Variants in TSBP1 observed in about 807,000 individuals in gnomAD.
TSBP1 encodes the protein testis-expressed basic protein 1.
TSBP1 carries 56 observed loss-of-function variants against 68.8 expected under a neutral mutation model. The observed-to-expected ratio is 0.81, with a 90% CI of 0.66 to 1.02. The LOEUF (loss-of-function observed/expected upper bound fraction) is 1.02. Ranked by LOEUF, TSBP1 falls within the 50% of genes least tolerant of loss-of-function variation. The pLI, the probability that TSBP1 is intolerant of heterozygous loss-of-function variation, is 0.00. For missense variants in TSBP1, 502 were observed against 641.2 expected, an observed-to-expected ratio of 0.78 and a Z score of 2.34; for synonymous variants, 171 against 208.7, an observed-to-expected ratio of 0.82 and a Z score of 1.56.
intron 20 of TSBP1, 106 bp from the exon 24 acceptor site, chr6:32,300,806 T>A: frequency 3.3e-6 from 3 of 911,068 alleles, no homozygotes; most frequent in Non-Finnish European, 5.4e-6. Flanking sequence ...CAACTAAATT[T>A]CATTTATTTA....
chr6:32,300,330 A>T (rs954056122), intron 21 of TSBP1, among the ~76,000 whole-genome samples: 1 of 152,222 alleles, frequency 6.6e-6, no homozygotes. Flanking sequence ...TCTAGTCCTG[A>T]CACATATTCT....
rs9279571 is a variant in TSBP1 at position 32,308,957 on chromosome 6, C to CTT, written c.581-6330_581-6329dup. On this transcript the variant is annotated intron_variant, in intron 19 of 22. Coordinates refer to ENST00000612031, the Ensembl canonical transcript of TSBP1. The stretch of plus-strand genomic sequence containing the variant: ...TCTCCTTCTCCTTCTTTTCTTCCTG[C>CTT]TTTTTTTTTTTTTTTTTTGACAGGG... 1.2e-3 allele frequency among the ~76,000 whole-genome samples: 142 copies of CTT among 122,054 alleles called. 2 individuals are homozygous for CTT. Among genetic ancestry groups the CTT allele is most frequent in the Non-Finnish European group, 1.6e-3 (94 of 60,382 alleles). 80.1% of individuals were successfully genotyped at this position (122,054 alleles called of 152,430 possible).
rs1361377889 is a variant in TSBP1, at chr6:32,343,251, A to C, written c.350-3613T>G. ...AGATAAACTTACTCATGGATCCTTG[A>C]GGTAAAGCTAAAGAACAATAACAAT... On this transcript the variant is annotated intron_variant, in intron 9 of 22. Transcript: ENST00000612031. This position sits in a 1 kb window ranked among gnomAD's most constrained non-coding sequence, Gnocchi z 4.3. The C allele has an allele frequency of 1.4e-6, 2 of 1,410,122 alleles. No individual in the cohort carries two copies. Among genetic ancestry groups the C allele is most frequent in the South Asian group, 3.4e-5 (2 of 59,666 alleles). The allele number at this position is 1,410,122 out of a possible 1,614,324, so 87.4% of individuals were successfully genotyped here.
In TSBP1 at chr6:32,343,306, C is replaced by A; in HGVS notation, c.350-3668G>T. 1 of 1,209,538 alleles carries A rather than the reference C, an allele frequency of 8.3e-7. No individual in the cohort carries two copies. Among genetic ancestry groups the A allele is most frequent in the South Asian group, 2.1e-5 (1 of 46,616 alleles). 74.9% of individuals were successfully genotyped at this position (1,209,538 alleles called of 1,614,324 possible). On this transcript the variant is annotated intron_variant, in intron 9 of 22. Coordinates refer to ENST00000612031, the Ensembl canonical transcript of TSBP1. This position sits in a 1 kb window ranked among gnomAD's most constrained non-coding sequence, Gnocchi z 4.3. ...CAAGTCAGTCTAAAGTTTCAATAAT[C>A]CATCAATTTCCCAAAAGTCTTCCCA...
At position 32,314,395 on chromosome 6, in the gene TSBP1, A is replaced by T. The variant is rs1186374582; in HGVS notation, c.580+1377T>A. ...CTGCCTTGTAATTTCTAGCTGTGAG[A>T]CCAATAATCCCTTCTCCTGAACTTT... is the stretch of plus-strand genomic sequence containing the variant. On this transcript the variant is annotated intron_variant, in intron 19 of 22. Coordinates refer to ENST00000612031, the Ensembl canonical transcript of TSBP1. This position sits in a 1 kb window ranked among gnomAD's most constrained non-coding sequence, Gnocchi z 4.2. Among the ~76,000 whole-genome samples, 1 of 152,150 alleles carries T rather than the reference A, an allele frequency of 6.6e-6. No homozygotes were observed. Among genetic ancestry groups the T allele is most frequent in the Non-Finnish European group, 1.5e-5 (1 of 68,052 alleles).
rs1210113960 is a variant in TSBP1, at chr6:32,303,175, C to A, written c.581-546G>T. Among the ~76,000 whole-genome samples, 5 of 152,244 alleles carry A rather than the reference C, an allele frequency of 3.3e-5. No homozygotes were observed. In the Middle Eastern group the frequency reaches 0.01, roughly 313 times the overall value. On this transcript the variant is annotated intron_variant, in intron 19 of 22. Transcript: ENST00000612031. ...TGTTGTCTTCTCTGATTGAAATATT[C>A]CCCCCTCAGATATTGCCTGGCTAAT...
At chr6:32,310,801 C>G (rs1766324346) in intron 19 of TSBP1, among the ~76,000 whole-genome samples, 1 of 147,758 alleles carries the variant, frequency 6.8e-6, no homozygotes, top group African/African-American at 2.5e-5. Flanking sequence ...TCTTTTATTC[C>G]CCAATAGGTA....
At chr6:32,358,628 T>C (rs1325395180) in intron 6 of TSBP1, among the ~76,000 whole-genome samples, 2 of 151,988 alleles carry the variant, frequency 1.3e-5, no homozygotes, top group Non-Finnish European at 2.9e-5. Context: ...AGTGTTCTCA[T>C]TGTTCAATTC....
At chr6:32,308,442 C>G (rs1765999033) in intron 19 of TSBP1, among the ~76,000 whole-genome samples, 1 of 150,406 alleles carries the variant, frequency 6.6e-6, no homozygotes, top group Admixed American at 6.6e-5. Context: ...ACTAAAAATA[C>G]AAAAAATTAG....
chr6:32,344,193 TG>T (rs1465355065), intron 9 of TSBP1, among the ~76,000 whole-genome samples: 1 of 151,190 alleles, frequency 6.6e-6, no homozygotes, highest in Non-Finnish European at 1.5e-5. Context: ...GCCATGCTGG[TG>T]TGCTGCATCC....
chr6:32,346,304 C>T lies in TSBP1; in HGVS notation c.349+3436G>A. 2.1e-4 allele frequency among the ~76,000 whole-genome samples: 2 copies of T among 9,508 alleles called. 1 individual carries two copies. The highest frequency in any genetic ancestry group is 0.019 in the South Asian group (2 of 104). The allele number at this position is 9,508 out of a possible 152,430, so 6.2% of individuals were successfully genotyped here. ...TGCTGGGATTACAGGCGTGAGCCAC[C>T]GCGCCCGGCCGTCATATCCTCATTT... On this transcript the variant is annotated intron_variant, in intron 9 of 22. Coordinates refer to ENST00000612031, the Ensembl canonical transcript of TSBP1.
intron 16 of TSBP1, chr6:32,323,846 C>G: frequency 1.8e-6 from 1 of 556,990 alleles, no homozygotes; most frequent in Non-Finnish European, 3.2e-6. Context: ...GCACCCCAAG[C>G]CTGGAAATCT....
Position 32,306,368 on chromosome 6 carries a change from A to G in TSBP1, c.581-3739T>C, listed in dbSNP as rs1765781991. ...CATCTCTTGATTCTAACTCCTGCGC[A>G]TAATTTCCCCATATCCCCCCTCCCA... On this transcript the variant is annotated intron_variant, in intron 19 of 22. Coordinates refer to ENST00000612031, the Ensembl canonical transcript of TSBP1. This position sits in a 1 kb window ranked among gnomAD's most constrained non-coding sequence, Gnocchi z 5.1. Among the ~76,000 whole-genome samples, 1 of 152,098 alleles carries G rather than the reference A, an allele frequency of 6.6e-6. No homozygotes were observed. Among genetic ancestry groups the G allele is most frequent in the Non-Finnish European group, 1.5e-5 (1 of 68,024 alleles).
chr6:32,371,825 G>A (rs1302270359), exon 1 of TSBP1: 3 of 1,166,848 alleles, frequency 2.6e-6, no homozygotes, highest in African/African-American at 1.5e-5. Flanking sequence ...TTGGGTGTCA[G>A]GGAGGCCCTT....
rs1446541625 is a variant in TSBP1, at chr6:32,325,381, G to A, written c.515-1767C>T. 1.0e-6 allele frequency: 1 copy of A among 963,494 alleles called. No homozygotes were observed. Among genetic ancestry groups the A allele is most frequent in the African/African-American group, 1.6e-5 (1 of 61,748 alleles). The allele number at this position is 963,494 out of a possible 1,614,324, so 59.7% of individuals were successfully genotyped here. A position where few individuals can be genotyped will look rare whatever the true frequency, so the allele number is the denominator to read the frequency against. ...GAGAGATCCAAACCCAAGCACTCCAGGGGCTTTGGATTTTTCACATATGCC... is the reference window on the plus strand; with the variant it reads ...GAGAGATCCAAACCCAAGCACTCCAAGGGCTTTGGATTTTTCACATATGCC... On this transcript the variant is annotated intron_variant, in intron 16 of 22. Transcript: ENST00000612031. The surrounding 1 kb of genome is among the most constrained non-coding windows in gnomAD (Gnocchi z 4.4).
rs477005 is a variant in TSBP1 at position 32,302,723 on chromosome 6, A to G, written c.581-94T>C. 321,768 of 842,186 alleles carry G rather than the reference A, an allele frequency of 0.38. 65,113 individuals are homozygous for G. Among genetic ancestry groups the G allele is most frequent in the Admixed American group, 0.49 (18,885 of 38,814 alleles). 52.2% of individuals were successfully genotyped at this position (842,186 alleles called of 1,614,324 possible). A position where few individuals can be genotyped will look rare whatever the true frequency, so the allele number is the denominator to read the frequency against. On this transcript the variant is annotated intron_variant, in intron 19 of 22. Coordinates refer to ENST00000612031, the Ensembl canonical transcript of TSBP1. The surrounding 1 kb of genome is among the most constrained non-coding windows in gnomAD (Gnocchi z 5.1). ...TCCCAATTCCCTAGTTGTTTTTTCT[A>G]GGGTACCATAAAGACTTCTAGCAGA...
At chr6:32,345,481 G>T (rs1019883730) in intron 9 of TSBP1, among the ~76,000 whole-genome samples, 5 of 150,296 alleles carry the variant, frequency 3.3e-5, no homozygotes, top group Non-Finnish European at 7.4e-5. Context: ...GAATGCTTGG[G>T]TTTGAATTCT....
intron 16 of TSBP1, among the ~76,000 whole-genome samples, chr6:32,328,234 G>A (rs1398985401): frequency 4.0e-5 from 6 of 151,534 alleles, no homozygotes; most frequent in East Asian, 2.0e-4. Flanking sequence ...GAGCCACTGC[G>A]CCCGGCCTCA....
intron 22 of TSBP1, among the ~76,000 whole-genome samples, chr6:32,298,596 T>C (rs1296891117): frequency 2.0e-5 from 3 of 152,026 alleles, no homozygotes; most frequent in African/African-American, 7.2e-5. Flanking sequence ...AAAAAATTAA[T>C]TAATTGCCCC....
Sources: gnomAD v4.1 joint callset for allele counts (sites outside exome capture counted in the v4.1 genomes callset) on GRCh38, gnomAD v4.1.1 for gene constraint, Gnocchi (gnomAD v3.1) non-coding constraint, MANE v1.5 for transcripts, NCBI Gene and HGNC (gene_info 2026-07-23, HGNC 2026-07-21) for gene names.